The following ROS1 variants were observed in gnomAD, a reference collection of about 807,000 sequenced individuals.
The protein encoded by ROS1 is ROS proto-oncogene 1, receptor tyrosine kinase, also known as proto-oncogene tyrosine-protein kinase ROS.
In ROS1, 263 loss-of-function variants were observed where a neutral mutation model predicts 273.5. The observed-to-expected ratio is 0.96, with a 90% confidence interval of 0.87 to 1.06. The LOEUF (loss-of-function observed/expected upper bound fraction) is 1.06. Ranked by LOEUF, ROS1 falls within the 50% of genes least tolerant of loss-of-function variation. The probability of loss-of-function intolerance (pLI) is 0.00; values close to 1 mark genes in which losing one functional copy is unlikely to be tolerated. For missense variants in ROS1, 2,833 were observed against 2,751.1 expected, an observed-to-expected ratio of 1.03 and a Z score of -0.67; for synonymous variants, 1,008 against 954.1, an observed-to-expected ratio of 1.06 and a Z score of -1.04.
At chr6:117,344,297 A>G (rs1778197031) in intron 27 of ROS1, 35 bp from the exon 28 acceptor site, 3 of 1,468,652 alleles carry the variant, frequency 2.0e-6, no homozygotes, top group African/African-American at 1.4e-5. Context: ...TTAAATATCT[A>G]TACTATATAT....
rs539500839 is a variant in ROS1 at position 117,379,949 on chromosome 6, T to G, written c.2482-790A>C. ...ACTACTCTTTGCTTTCTTGTTGCAA[T>G]GTATATCTTAAGTTTACATCCAGTC... On this transcript the variant is annotated intron_variant, in intron 17 of 43. Transcript: ENST00000368507. 3.9e-5 allele frequency among the ~76,000 whole-genome samples: 6 copies of G among 152,270 alleles called. No individual in the cohort carries two copies. In the South Asian group the frequency reaches 1.2e-3, roughly 32 times the overall value.
At chr6:117,289,801 C>T (rs902933767) in intron 43 of ROS1, among the ~76,000 whole-genome samples, 2 of 152,108 alleles carry the variant, frequency 1.3e-5, no homozygotes, top group Non-Finnish European at 2.9e-5. Context: ...TGGTTAGTAC[C>T]TGGGTGTTGA....
At chr6:117,376,404 T>C (rs965712435) in intron 18 of ROS1, among the ~76,000 whole-genome samples, 6 of 152,136 alleles carry the variant, frequency 3.9e-5, no homozygotes, top group African/African-American at 1.2e-4. Context: ...ATGAATTAGC[T>C]TGTGGACTTT....
At chr6:117,359,602 C>T (rs1324013154) in intron 24 of ROS1, among the ~76,000 whole-genome samples, 2 of 152,292 alleles carry the variant, frequency 1.3e-5, no homozygotes, top group South Asian at 2.1e-4. Flanking sequence ...GCATCCTAAA[C>T]CCAATAACTA....
chr6:117,305,569 C>T (rs1775039184), intron 42 of ROS1, among the ~76,000 whole-genome samples: 1 of 152,122 alleles, frequency 6.6e-6, no homozygotes, highest in African/African-American at 2.4e-5. Flanking sequence ...TAAACCCTTT[C>T]TGTTCCACCA....
Position 117,353,046 on chromosome 6 carries a change from T to C in ROS1, c.4247A>G (p.Lys1416Arg). Residue 1416 changes from lysine (K) to arginine (R), a missense_variant, in exon 27 of 44, where the codon AAG (lysine) becomes AGG (arginine). Physicochemically the swap from Lys to Arg is conservative, Grantham distance 26 (BLOSUM62 2). Coordinates refer to ENST00000368507, the MANE Select transcript of ROS1 (RefSeq NM_001378902.1). ...KGNGAIVSQV[K>R]ALRSRHILAY... ...CAAGATATGCCTACTCCTTAGGGCC[T>C]TCACCTGGGAAACGATGGCCCCATT... 1 of 1,614,110 alleles carries C rather than the reference T, an allele frequency of 6.2e-7. No individual in the cohort carries two copies. The highest frequency in any genetic ancestry group is 8.5e-7 in the Non-Finnish European group (1 of 1,179,962).
chr6:117,374,659 C>T (rs902689365), intron 18 of ROS1, among the ~76,000 whole-genome samples: 6 of 152,196 alleles, frequency 3.9e-5, no homozygotes, highest in African/African-American at 1.4e-4. Flanking sequence ...TTCTGCACAG[C>T]AAAATAATCA....
rs1351565225 is a variant in ROS1 at position 117,341,120 on chromosome 6, G to A, written c.5061+15C>T. ...ATTCTATATCATAAAATAAAGACTT[G>A]CATTAAAAGTCTACCTTCTGTAGCT... On this transcript the variant is annotated intron_variant, in intron 31 of 43. Transcript: ENST00000368507. 29 of 1,548,736 alleles carry A rather than the reference G, an allele frequency of 1.9e-5. No homozygotes were observed. Among genetic ancestry groups the A allele is most frequent in the Non-Finnish European group, 2.5e-5 (28 of 1,135,302 alleles).
intron 42 of ROS1, among the ~76,000 whole-genome samples, chr6:117,306,903 A>T (rs1029446629): frequency 4.6e-5 from 7 of 152,082 alleles, no homozygotes; most frequent in African/African-American, 1.7e-4. Context: ...GTCCTGCAGC[A>T]CTTGGAGGGC....
At chr6:117,352,787 C>T (rs1370344451) in intron 27 of ROS1, among the ~76,000 whole-genome samples, 2 of 152,128 alleles carry the variant, frequency 1.3e-5, no homozygotes, top group East Asian at 1.9e-4. Flanking sequence ...CCCACCACAC[C>T]CTGAGCTGTG....
At chr6:117,371,602 G>A (rs373184155) in intron 18 of ROS1, among the ~76,000 whole-genome samples, 41 of 152,302 alleles carry the variant, frequency 2.7e-4, no homozygotes, top group African/African-American at 8.9e-4. Flanking sequence ...AATAGGGAGT[G>A]CAGATATGAA....
chr6:117,318,514 T>G (rs1435964001), intron 37 of ROS1, among the ~76,000 whole-genome samples: 1 of 152,136 alleles, frequency 6.6e-6, no homozygotes, highest in Admixed American at 6.6e-5. Context: ...GAGACCAAGT[T>G]TTGTTGTTTA....
At chr6:117,360,902 T>C (rs945607999) in intron 22 of ROS1, among the ~76,000 whole-genome samples, 1 of 152,142 alleles carries the variant, frequency 6.6e-6, no homozygotes, top group South Asian at 2.1e-4. Context: ...TTTTCTTGAA[T>C]TCAACAACTA....
chr6:117,351,290 C>T (rs566994329), intron 27 of ROS1, among the ~76,000 whole-genome samples: 1 of 152,294 alleles, frequency 6.6e-6, no homozygotes, highest in Non-Finnish European at 1.5e-5. Context: ...TTGGGCACTT[C>T]TCTTTACCCA....
rs114714926 is a variant in ROS1 at position 117,315,057 on chromosome 6, G to A, written c.6117+2086C>T. ...AAGCATAATTAATACCCTAAAAGAA[G>A]ATGAGTAAAATTTTGCATCTATGAA... is the stretch of plus-strand genomic sequence containing the variant. On this transcript the variant is annotated intron_variant, in intron 39 of 43. Coordinates refer to ENST00000368507, the MANE Select transcript of ROS1 (RefSeq NM_001378902.1). 3.7e-3 allele frequency among the ~76,000 whole-genome samples: 563 copies of A among 152,200 alleles called. 4 individuals are homozygous for A. The highest frequency in any genetic ancestry group is 0.013 in the African/African-American group (536 of 41,546).
Position 117,359,910 on chromosome 6 carries a change from C to G in ROS1, c.3532G>C (p.Val1178Leu). 3 of 1,613,872 alleles carry G rather than the reference C, an allele frequency of 1.9e-6. No homozygotes were observed. Among genetic ancestry groups the G allele is most frequent in the Non-Finnish European group, 1.7e-6 (2 of 1,179,814 alleles). ...GCTGTGTAGCAAACGGCACTGATAA[C>G]TCTTTCTGCTGAAAACGTCCACACA... ...QVVWTFSAERVISAVCYTADN... is the reference protein window; with the variant it reads ...QVVWTFSAERLISAVCYTADN... The change falls in exon 24 of 44, where the codon GTT becomes CTT. Residue 1178 changes from valine to leucine, a missense_variant. Val to Leu is a conservative substitution (Grantham distance 32). Transcript: ENST00000368507.
chr6:117,300,860 C>CA (rs1582551638), intron 43 of ROS1, 114 bp downstream of exon 43: 2 of 641,854 alleles, frequency 3.1e-6, no homozygotes, highest in Non-Finnish European at 2.4e-6. Flanking sequence ...GACAAAGGTG[C>CA]CAGTATATTA....
At chr6:117,340,905 A>G (rs940539462) in intron 31 of ROS1, among the ~76,000 whole-genome samples, 3 of 152,122 alleles carry the variant, frequency 2.0e-5, no homozygotes, top group African/African-American at 7.2e-5. Context: ...TTAGTACACT[A>G]TAACTTATAC....
In ROS1 at chr6:117,321,739, A is replaced by G. The variant is rs563125585; in HGVS notation, c.5624-345T>C. 2.0e-5 allele frequency among the ~76,000 whole-genome samples: 3 copies of G among 152,094 alleles called. No homozygotes were observed. The East Asian group carries it at 5.8e-4, about 29-fold the overall frequency. ...AGTCAAAATAAACCAAAACAAACAT[A>G]ATTATTAGTGAAACAAATTCATTTT... On this transcript the variant is annotated intron_variant, in intron 35 of 43. Coordinates refer to ENST00000368507, the MANE Select transcript of ROS1 (RefSeq NM_001378902.1).
Sources: gnomAD v4.1 joint callset for allele counts (sites outside exome capture counted in the v4.1 genomes callset) on GRCh38, gnomAD v4.1.1 for gene constraint, MANE v1.5 for transcripts, NCBI Gene and HGNC (gene_info 2026-07-23, HGNC 2026-07-21) for gene names.